Variants in TGFBR3 observed in about 807,000 individuals in gnomAD.
TGFBR3 encodes the protein transforming growth factor beta receptor 3, also known as transforming growth factor beta receptor type 3.
A neutral mutation model predicts 87.9 loss-of-function variants in TGFBR3; 46 were observed. The observed-to-expected ratio is 0.52, with a 90% CI of 0.41 to 0.67. The LOEUF is 0.67. Among genes scored for constraint, TGFBR3 ranks in the 30% least tolerant of loss-of-function variants. The pLI, the probability that TGFBR3 is intolerant of heterozygous loss-of-function variation, is 0.00. For missense variants in TGFBR3, 866 were observed against 1,041.9 expected (o/e 0.83, Z 2.32); for synonymous variants, 381 against 391.6 (o/e 0.97, Z 0.32).
chr1:91,838,045 C>T (rs1180667740), intron 2 of TGFBR3, among the ~76,000 whole-genome samples: 1 of 152,154 alleles, frequency 6.6e-6, no homozygotes, highest in Non-Finnish European at 1.5e-5. Context: ...AAGGCAATCC[C>T]CCTCATCTGC....
In TGFBR3 at chr1:91,682,551, T is replaced by C; in HGVS notation, c.*1188A>G. ...TGGGATATATTTAAGGCAAGAGAAG[T>C]AAGGCAATCCAAATGAGTGCCCTTT... On this transcript the variant is annotated 3_prime_UTR_variant, in exon 17 of 17. Coordinates refer to ENST00000212355, the MANE Select transcript of TGFBR3 (RefSeq NM_003243.5). 2.2e-6 allele frequency: 1 copy of C among 453,802 alleles called. No individual in the cohort carries two copies. 28.1% of individuals were successfully genotyped at this position (453,802 alleles called of 1,614,324 possible). A position where few individuals can be genotyped will look rare whatever the true frequency, so the allele number is the denominator to read the frequency against.
intron 16 of TGFBR3, among the ~76,000 whole-genome samples, chr1:91,695,110 CTTT>C (rs3038541): frequency 2.9e-5 from 4 of 140,072 alleles, no homozygotes; most frequent in African/African-American, 2.7e-5. Context: ...TGTTTCATCA[CTTT>C]TTTTTTTTTT....
At chr1:91,734,210 G>A (rs1380592473) in intron 5 of TGFBR3, among the ~76,000 whole-genome samples, 1 of 152,042 alleles carries the variant, frequency 6.6e-6, no homozygotes, top group African/African-American at 2.4e-5. Flanking sequence ...ATTTAAATAG[G>A]CAATCTCTTA....
intron 2 of TGFBR3, among the ~76,000 whole-genome samples, chr1:91,818,229 T>A (rs996884009): frequency 1.5e-4 from 22 of 150,282 alleles, no homozygotes; most frequent in African/African-American, 5.4e-4. Flanking sequence ...GTCTTTACTA[T>A]TAAAAAAAAA....
chr1:91,694,683 T>C (rs1457104292), intron 16 of TGFBR3, among the ~76,000 whole-genome samples: 4 of 152,216 alleles, frequency 2.6e-5, no homozygotes, highest in African/African-American at 9.7e-5. Flanking sequence ...CCAAAGATCA[T>C]GGCATTCATT....
chr1:91,791,142 A>G (rs1460274106), intron 3 of TGFBR3, among the ~76,000 whole-genome samples: 3 of 152,214 alleles, frequency 2.0e-5, no homozygotes, highest in African/African-American at 7.2e-5. Flanking sequence ...CATTCTTAGC[A>G]AGAAGAGTCA....
chr1:91,713,101 G>T (rs1672041211), intron 12 of TGFBR3, among the ~76,000 whole-genome samples: 1 of 152,224 alleles, frequency 6.6e-6, no homozygotes, highest in African/African-American at 2.4e-5. Context: ...GGCGCTGGGT[G>T]TCAGTGACGG....
intron 2 of TGFBR3, among the ~76,000 whole-genome samples, chr1:91,839,977 GT>G (rs78781288): frequency 0.13 from 19,993 of 151,972 alleles, 1,626 homozygotes; most frequent in East Asian, 0.38. Flanking sequence ...CAACCCTTCT[GT>G]CAGTCAAAAA....
intron 16 of TGFBR3, 144 bp from the exon 17 acceptor site, chr1:91,684,001 T>C (rs1299376459): frequency 4.3e-6 from 3 of 690,036 alleles, no homozygotes; most frequent in South Asian, 3.5e-5. Context: ...AGGTCCTAGA[T>C]GGCTGGAATA....
At chr1:91,778,483 C>T (rs1356638348) in intron 3 of TGFBR3, among the ~76,000 whole-genome samples, 1 of 152,124 alleles carries the variant, frequency 6.6e-6, no homozygotes, top group Non-Finnish European at 1.5e-5. Flanking sequence ...ACTCACAATC[C>T]AGTGCTGTCT....
intron 16 of TGFBR3, among the ~76,000 whole-genome samples, chr1:91,693,655 T>C (rs982368361): frequency 2.0e-5 from 3 of 152,080 alleles, no homozygotes; most frequent in Non-Finnish European, 2.9e-5. Flanking sequence ...CAAGATTAGC[T>C]ATGAGAGTGC....
intron 16 of TGFBR3, among the ~76,000 whole-genome samples, chr1:91,692,228 T>A (rs1172055540): frequency 6.6e-6 from 1 of 152,178 alleles, no homozygotes; most frequent in Non-Finnish European, 1.5e-5. Flanking sequence ...ACATTTTCCA[T>A]AACAGGAGGT....
At chr1:91,840,248 G>A (rs1442615721) in intron 2 of TGFBR3, among the ~76,000 whole-genome samples, 1 of 151,710 alleles carries the variant, frequency 6.6e-6, no homozygotes, top group East Asian at 1.9e-4. Context: ...CTTGAGCCTG[G>A]GAGGCAGAGT....
intron 2 of TGFBR3, among the ~76,000 whole-genome samples, chr1:91,815,821 A>G (rs535630381): frequency 6.6e-6 from 1 of 152,384 alleles, no homozygotes; most frequent in East Asian, 1.9e-4. Flanking sequence ...TATAAAATCA[A>G]CTGACAAGGA....
rs1271437863 is a variant in TGFBR3 at position 91,727,768 on chromosome 1, G to T, written c.776C>A (p.Ser259Tyr). The T allele has an allele frequency of 1.2e-6, 2 of 1,614,010 alleles. 1 individual carries two copies. The highest frequency in any genetic ancestry group is 3.3e-5 in the Admixed American group (2 of 60,022). ...TTTGACCACTTCAAGATCCTCTTGA[G>T]AAGGTCTTATATCAATTGTTATATC... is the stretch of plus-strand genomic sequence containing the variant. ...QVDITIDIRP[S>Y]QEDLEVVKNL... Residue 259 changes from serine to tyrosine, a missense_variant, in exon 7 of 17, where the codon TCT (serine) becomes TAT (tyrosine). Physicochemically the swap from Ser to Tyr is moderately radical, Grantham distance 144 (BLOSUM62 -2). Transcript: ENST00000212355.
At chr1:91,755,862 T>C (rs773989371) in intron 4 of TGFBR3, among the ~76,000 whole-genome samples, 17 of 152,286 alleles carry the variant, frequency 1.1e-4, no homozygotes, top group Middle Eastern at 6.8e-3. Context: ...AGAACCCCTT[T>C]TGATCTGGGG....
intron 4 of TGFBR3, among the ~76,000 whole-genome samples, chr1:91,747,573 C>G (rs1382245066): frequency 6.6e-6 from 1 of 152,206 alleles, no homozygotes; most frequent in South Asian, 2.1e-4. Flanking sequence ...TAAACAACAA[C>G]AAATTGCTCA....
At chr1:91,691,625 G>C (rs1671268257) in intron 16 of TGFBR3, among the ~76,000 whole-genome samples, 1 of 152,216 alleles carries the variant, frequency 6.6e-6, no homozygotes, top group Non-Finnish European at 1.5e-5. Flanking sequence ...AAGAAGAAAG[G>C]CAGGAGATAC....
At chr1:91,834,765 G>A (rs1298247924) in intron 2 of TGFBR3, among the ~76,000 whole-genome samples, 4 of 152,136 alleles carry the variant, frequency 2.6e-5, no homozygotes, top group Admixed American at 1.3e-4. Flanking sequence ...TGCAGCCTCC[G>A]CCTCCTGGGT....
Sources: gnomAD v4.1 joint callset for allele counts (sites outside exome capture counted in the v4.1 genomes callset) on GRCh38, gnomAD v4.1.1 for gene constraint, MANE v1.5 for transcripts, NCBI Gene and HGNC (gene_info 2026-07-23, HGNC 2026-07-21) for gene names.